Variants in ADAMTSL1 observed in about 807,000 individuals in gnomAD.
The protein encoded by ADAMTSL1 is ADAMTS like 1, also known as ADAMTS-like protein 1.
ADAMTSL1 carries 126 observed loss-of-function variants against 201.8 expected under a neutral mutation model. The observed-to-expected ratio is 0.62, with a 90% confidence interval of 0.54 to 0.72. The LOEUF (loss-of-function observed/expected upper bound fraction) is 0.72. Ranked by LOEUF, ADAMTSL1 falls within the 30% of genes least tolerant of loss-of-function variation. The pLI is 0.00. For missense variants in ADAMTSL1, 2,679 were observed against 2,277.8 expected, an observed-to-expected ratio of 1.18 and a Z score of -3.59; for synonymous variants, 1,121 against 903.4, an observed-to-expected ratio of 1.24 and a Z score of -4.32.
At chr9:18,120,172 C>A (rs1825437977) in intron 1 of ADAMTSL1, among the ~76,000 whole-genome samples, 2 of 152,128 alleles carry the variant, frequency 1.3e-5, no homozygotes, top group Admixed American at 6.6e-5. Flanking sequence ...CACAGGATAC[C>A]CTTCCAAGTT....
chr9:18,319,003 A>G (rs1181351577), intron 2 of ADAMTSL1, among the ~76,000 whole-genome samples: 1 of 152,192 alleles, frequency 6.6e-6, no homozygotes, highest in Non-Finnish European at 1.5e-5. Context: ...GAATCCAGGA[A>G]TTTGAGACTA....
chr9:18,213,947 G>A, intron 2 of ADAMTSL1, among the ~76,000 whole-genome samples: 1 of 152,114 alleles, frequency 6.6e-6, no homozygotes, highest in East Asian at 1.9e-4. Flanking sequence ...ATGTTGGCCA[G>A]GCTGGTCTCG....
At chr9:18,490,277 G>C (rs1410281842) in intron 1 of ADAMTSL1, among the ~76,000 whole-genome samples, 3 of 152,096 alleles carry the variant, frequency 2.0e-5, no homozygotes. Flanking sequence ...AGGGGGAACA[G>C]AAGGAAGCTA....
At chr9:18,085,273 C>T (rs1823696172) in intron 1 of ADAMTSL1, among the ~76,000 whole-genome samples, 1 of 152,056 alleles carries the variant, frequency 6.6e-6, no homozygotes. Flanking sequence ...CCCAGCTTTG[C>T]CACTTACCAG....
chr9:18,694,903 T>G (rs1166905849), intron 13 of ADAMTSL1, among the ~76,000 whole-genome samples: 1 of 152,244 alleles, frequency 6.6e-6, no homozygotes, highest in Non-Finnish European at 1.5e-5. Context: ...TTTCCAAGCA[T>G]TTCCGTACAT....
chr9:18,173,601 T>G (rs1242078417), intron 2 of ADAMTSL1, among the ~76,000 whole-genome samples: 1 of 152,166 alleles, frequency 6.6e-6, no homozygotes, highest in African/African-American at 2.4e-5. Flanking sequence ...TTCTGCCATT[T>G]ATTCCAAACA....
At chr9:18,329,609 C>G (rs1411848875) in intron 2 of ADAMTSL1, among the ~76,000 whole-genome samples, 2 of 152,180 alleles carry the variant, frequency 1.3e-5, no homozygotes, top group South Asian at 2.1e-4. Flanking sequence ...CTTAAAACCC[C>G]TCATTCAAAT....
chr9:18,288,678 A>G (rs1023879408), intron 2 of ADAMTSL1, among the ~76,000 whole-genome samples: 1 of 152,212 alleles, frequency 6.6e-6, no homozygotes, highest in African/African-American at 2.4e-5. Flanking sequence ...GAAAAAAAGA[A>G]AAGAAAGTAA....
In ADAMTSL1 at chr9:18,175,690, C is replaced by T. The variant is rs538034316; in HGVS notation, c.207+11709C>T. On this transcript the variant is annotated intron_variant, in intron 2 of 29. Transcript: ENST00000680146. ...CTCTCTAGACTTTCCTTTCTTAACT[C>T]AATCCAAGTCCTACCTGCTCCAGGA... Among the ~76,000 whole-genome samples the T allele has an allele frequency of 2.0e-5, 3 of 152,172 alleles. No homozygotes were observed. In the South Asian group the frequency reaches 6.2e-4, roughly 32 times the overall value.
At chr9:18,156,873 C>G (rs1488655843) in intron 1 of ADAMTSL1, among the ~76,000 whole-genome samples, 1 of 152,018 alleles carries the variant, frequency 6.6e-6, no homozygotes. Flanking sequence ...ATCCTGTTCC[C>G]TTCGTGAAAG....
intron 1 of ADAMTSL1, among the ~76,000 whole-genome samples, chr9:17,933,462 C>T (rs1020438173): frequency 6.6e-6 from 1 of 152,146 alleles, no homozygotes; most frequent in African/African-American, 2.4e-5. Context: ...CAGTCTACCA[C>T]ACCCATGGAT....
chr9:18,585,937 C>T (rs1287019701), intron 4 of ADAMTSL1, among the ~76,000 whole-genome samples: 1 of 152,026 alleles, frequency 6.6e-6, no homozygotes, highest in Non-Finnish European at 1.5e-5. Context: ...AAGGAAAATA[C>T]CCTAAAACAA....
intron 2 of ADAMTSL1, among the ~76,000 whole-genome samples, chr9:18,320,274 T>C (rs1834567227): frequency 6.6e-6 from 1 of 152,224 alleles, no homozygotes; most frequent in East Asian, 1.9e-4. Context: ...TGTGAGATGA[T>C]AAATTTGTGT....
chr9:18,206,666 T>C (rs1022206980), intron 2 of ADAMTSL1, among the ~76,000 whole-genome samples: 1 of 152,124 alleles, frequency 6.6e-6, no homozygotes, highest in Admixed American at 6.6e-5. Flanking sequence ...CCTTTCTCTA[T>C]CTTTTAGGAC....
intron 1 of ADAMTSL1, among the ~76,000 whole-genome samples, chr9:18,099,584 G>T (rs1824424519): frequency 7.0e-6 from 1 of 143,828 alleles, no homozygotes; most frequent in Non-Finnish European, 1.5e-5. Flanking sequence ...TTCAATATTT[G>T]TCCCTTTCTC....
Position 18,835,322 on chromosome 9 carries a change from T to C in ADAMTSL1, c.4249+5345T>C, listed in dbSNP as rs369175785. On this transcript the variant is annotated intron_variant, in intron 23 of 28. Transcript: ENST00000380548. ...ACCTTTATTTAAACATTGAGTTGTT[T>C]ACTTATATCAAATTTTCAGTGTTTT... is the stretch of plus-strand genomic sequence containing the variant. 8.5e-5 allele frequency among the ~76,000 whole-genome samples: 13 copies of C among 152,288 alleles called. No individual in the cohort carries two copies. The East Asian group carries it at 2.5e-3, about 29-fold the overall frequency.
intron 7 of ADAMTSL1, among the ~76,000 whole-genome samples, chr9:18,649,019 G>T (rs1157032087): frequency 1.3e-5 from 2 of 152,100 alleles, no homozygotes; most frequent in East Asian, 3.8e-4. Flanking sequence ...TCACTTTCAG[G>T]TACACCAATC....
chr9:18,499,584 T>G (rs1822724604), intron 1 of ADAMTSL1, among the ~76,000 whole-genome samples: 1 of 152,210 alleles, frequency 6.6e-6, no homozygotes, highest in African/African-American at 2.4e-5. Context: ...CTCTCATCAC[T>G]GGGGGAGTTG....
At chr9:18,470,439 C>T (rs1821161420), upstream of ADAMTSL1, among the ~76,000 whole-genome samples, 1 of 152,142 alleles carries the variant, frequency 6.6e-6, no homozygotes, top group African/African-American at 2.4e-5. Flanking sequence ...TCAGAATTAA[C>T]CAGGGAAATC....
Sources: allele counts gnomAD v4.1 joint callset (sites outside exome capture counted in the v4.1 genomes callset), GRCh38; gene constraint gnomAD v4.1.1; transcripts MANE v1.5; gene names NCBI Gene and HGNC (gene_info 2026-07-23, HGNC 2026-07-21).